The following SLX4IP variants were observed in gnomAD, a reference collection of about 807,000 sequenced individuals.
The protein encoded by SLX4IP is protein SLX4IP.
A neutral mutation model predicts 32.9 loss-of-function variants in SLX4IP; 34 were observed. The observed-to-expected ratio is 1.03, with a 90% CI of 0.79 to 1.38. The LOEUF is 1.38. Ranked by LOEUF, SLX4IP falls within the 40% of genes most tolerant of loss-of-function variation. The probability of loss-of-function intolerance (pLI) is 0.00; values close to 1 mark genes in which losing one functional copy is unlikely to be tolerated. For synonymous variants in SLX4IP, 172 were observed against 171.7 expected, an observed-to-expected ratio of 1.00 and a Z score of -0.01; for missense variants, 444 against 479.0, an observed-to-expected ratio of 0.93 and a Z score of 0.68.
intron 2 of SLX4IP, among the ~76,000 whole-genome samples, chr20:10,552,359 G>A (rs954674832): frequency 6.6e-6 from 1 of 152,128 alleles, no homozygotes; most frequent in Non-Finnish European, 1.5e-5. Flanking sequence ...GAGGAGAAAG[G>A]GAGGCTGTGC....
At chr20:10,524,021 C>T (rs532678605) in intron 2 of SLX4IP, among the ~76,000 whole-genome samples, 2 of 152,320 alleles carry the variant, frequency 1.3e-5, no homozygotes, top group East Asian at 1.9e-4. Context: ...GCTGGTCGAA[C>T]GTAAGAGCCT....
chr20:10,590,944 A>G (rs986723059), intron 4 of SLX4IP, among the ~76,000 whole-genome samples: 3 of 152,234 alleles, frequency 2.0e-5, no homozygotes, highest in Admixed American at 1.3e-4. Flanking sequence ...TATTTGGACC[A>G]CACAATATAT....
chr20:10,566,759 C>A (rs994952023), intron 4 of SLX4IP, among the ~76,000 whole-genome samples: 6 of 152,158 alleles, frequency 3.9e-5, no homozygotes, highest in Non-Finnish European at 8.8e-5. Flanking sequence ...ATTTTACAAG[C>A]CTACTGTCTT....
chr20:10,448,801 A>G (rs2065220828), intron 1 of SLX4IP, among the ~76,000 whole-genome samples: 1 of 152,200 alleles, frequency 6.6e-6, no homozygotes, highest in Non-Finnish European at 1.5e-5. Context: ...ATATCAGATA[A>G]ATATTCAATA....
At chr20:10,551,945 C>G (rs1402185248) in intron 2 of SLX4IP, among the ~76,000 whole-genome samples, 1 of 152,178 alleles carries the variant, frequency 6.6e-6, no homozygotes, top group Non-Finnish European at 1.5e-5. Context: ...AGGACACCAA[C>G]AGAAGTGACT....
intron 4 of SLX4IP, among the ~76,000 whole-genome samples, chr20:10,587,280 C>T (rs774092302): frequency 1.3e-5 from 2 of 151,954 alleles, no homozygotes; most frequent in Non-Finnish European, 2.9e-5. Context: ...AACAATTATA[C>T]AAGGTACAGG....
chr20:10,571,305 C>T (rs951024736), intron 4 of SLX4IP, among the ~76,000 whole-genome samples: 6 of 152,156 alleles, frequency 3.9e-5, no homozygotes, highest in East Asian at 1.9e-4. Flanking sequence ...GACCTGCAGT[C>T]GGCTGAGTTC....
intron 6 of SLX4IP, among the ~76,000 whole-genome samples, chr20:10,621,080 GT>G (rs2067105710): frequency 6.6e-6 from 1 of 152,176 alleles, no homozygotes; most frequent in African/African-American, 2.4e-5. Context: ...TTGCCTTACA[GT>G]TTTGTATGTT....
In SLX4IP at chr20:10,589,328, A is replaced by G. The variant is rs562848618; in HGVS notation, c.239-9347A>G. Among the ~76,000 whole-genome samples the G allele has an allele frequency of 2.0e-5, 3 of 152,332 alleles. No homozygotes were observed. In the East Asian group the frequency reaches 5.8e-4, roughly 29 times the overall value. On this transcript the variant is annotated intron_variant, in intron 4 of 7. Transcript: ENST00000334534. ...TTTCTCCAAATTGATCTATAAATTCAAGGTCTTTCTGATCCAACCCTGAAA... is the reference window on the plus strand; with the variant it reads ...TTTCTCCAAATTGATCTATAAATTCGAGGTCTTTCTGATCCAACCCTGAAA...
intron 4 of SLX4IP, among the ~76,000 whole-genome samples, chr20:10,594,847 G>C (rs576614431): frequency 6.6e-6 from 1 of 152,118 alleles, no homozygotes; most frequent in African/African-American, 2.4e-5. Context: ...TAAAATAGTA[G>C]GAGGACTGTG....
intron 1 of SLX4IP, among the ~76,000 whole-genome samples, chr20:10,441,288 T>G (rs2065157788): frequency 6.6e-6 from 1 of 151,964 alleles, no homozygotes; most frequent in East Asian, 1.9e-4. Flanking sequence ...ATACAAAAAT[T>G]AGCTGGGCAT....
At chr20:10,580,370 G>T (rs1178329713) in intron 4 of SLX4IP, among the ~76,000 whole-genome samples, 2 of 151,836 alleles carry the variant, frequency 1.3e-5, no homozygotes, top group Non-Finnish European at 2.9e-5. Context: ...TGAATGCAGT[G>T]CCCTCCGCTT....
At chr20:10,474,966 C>T (rs921551428) in intron 2 of SLX4IP, among the ~76,000 whole-genome samples, 1 of 152,248 alleles carries the variant, frequency 6.6e-6, no homozygotes, top group African/African-American at 2.4e-5. Context: ...TCCTGGTCCT[C>T]AGACTTGAGT....
At position 10,441,673 on chromosome 20, in the gene SLX4IP, A is replaced by C. The variant is rs549416404; in HGVS notation, c.-30+6220A>C. ...TGACAAAGGATTTTTAAAAGTTCTAATTTTTTTGTTACTTGCATTATCCTC... is the reference window on the plus strand; with the variant it reads ...TGACAAAGGATTTTTAAAAGTTCTACTTTTTTTGTTACTTGCATTATCCTC... On this transcript the variant is annotated intron_variant, in intron 1 of 7. Coordinates refer to ENST00000334534, the MANE Select transcript of SLX4IP (RefSeq NM_001009608.3). 1.8e-4 allele frequency among the ~76,000 whole-genome samples: 27 copies of C among 150,902 alleles called. 1 individual carries two copies. The highest frequency in any genetic ancestry group is 2.5e-4 in the Non-Finnish European group (17 of 67,720).
At chr20:10,568,055 G>C (rs920085340) in intron 4 of SLX4IP, among the ~76,000 whole-genome samples, 3 of 152,200 alleles carry the variant, frequency 2.0e-5, no homozygotes, top group African/African-American at 7.2e-5. Context: ...AGGGGTACAA[G>C]GTGTAAAAAA....
intron 2 of SLX4IP, among the ~76,000 whole-genome samples, chr20:10,555,263 C>T (rs772492409): frequency 1.3e-5 from 2 of 151,896 alleles, no homozygotes; most frequent in Non-Finnish European, 2.9e-5. Context: ...TCTCATAAAC[C>T]GAATCTCTGG....
intron 2 of SLX4IP, among the ~76,000 whole-genome samples, chr20:10,505,359 C>T (rs8125554): frequency 0.036 from 5,498 of 152,258 alleles, 139 homozygotes; most frequent in Admixed American, 0.1. Flanking sequence ...GGTGGAGCCC[C>T]TGCTTAAATT....
intron 4 of SLX4IP, among the ~76,000 whole-genome samples, chr20:10,592,324 C>T (rs954872442): frequency 7.1e-6 from 1 of 140,538 alleles, no homozygotes; most frequent in African/African-American, 2.7e-5. Context: ...TTTCAGTTCC[C>T]ACAGAACAAC....
chr20:10,467,679 G>GT (rs774494730), intron 2 of SLX4IP, among the ~76,000 whole-genome samples: 5 of 152,162 alleles, frequency 3.3e-5, no homozygotes, highest in Non-Finnish European at 7.3e-5. Context: ...CTGTATTTAA[G>GT]TAAGTATGTG....
Sources: gnomAD v4.1 joint callset for allele counts (sites outside exome capture counted in the v4.1 genomes callset) on GRCh38, gnomAD v4.1.1 for gene constraint, MANE v1.5 for transcripts, NCBI Gene and HGNC (gene_info 2026-07-23, HGNC 2026-07-21) for gene names.